The following LRRTM4 variants were observed in gnomAD, a reference collection of about 807,000 sequenced individuals.
LRRTM4 encodes leucine-rich repeat transmembrane neuronal protein 4.
In LRRTM4, 25 loss-of-function variants were observed where a neutral mutation model predicts 47.6. The observed-to-expected ratio is 0.53, with a 90% confidence interval of 0.38 to 0.73. The LOEUF is 0.73. Among genes scored for constraint, LRRTM4 ranks in the 30% least tolerant of loss-of-function variants. The pLI, the probability that LRRTM4 is intolerant of heterozygous loss-of-function variation, is 0.00. For missense variants in LRRTM4, 638 were observed against 713.4 expected (o/e 0.89, Z 1.20); for synonymous variants, 311 against 269.5 (o/e 1.15, Z -1.51).
intron 3 of LRRTM4, among the ~76,000 whole-genome samples, chr2:76,753,331 T>A (rs1415224921): frequency 1.3e-5 from 2 of 152,180 alleles, no homozygotes; most frequent in Non-Finnish European, 2.9e-5. Context: ...AGTCACACTC[T>A]GGTTTTACTC....
At chr2:76,950,400 A>G (rs1415210333) in intron 3 of LRRTM4, among the ~76,000 whole-genome samples, 2 of 151,460 alleles carry the variant, frequency 1.3e-5, no homozygotes, top group African/African-American at 2.4e-5. Context: ...TTAACAAAGC[A>G]TATGTCAGAA....
intron 3 of LRRTM4, among the ~76,000 whole-genome samples, chr2:76,988,249 G>A (rs1031549058): frequency 4.6e-5 from 7 of 151,728 alleles, no homozygotes; most frequent in Non-Finnish European, 8.8e-5. Flanking sequence ...GGCTCAACTC[G>A]ATAATTTCAT....
chr2:77,479,127 C>T (rs931766728), intron 3 of LRRTM4, among the ~76,000 whole-genome samples: 1 of 152,052 alleles, frequency 6.6e-6, no homozygotes, highest in African/African-American at 2.4e-5. Flanking sequence ...AACTCCTGAC[C>T]TCAGGGGATC....
intron 3 of LRRTM4, among the ~76,000 whole-genome samples, chr2:77,466,421 G>A (rs1442746899): frequency 6.6e-6 from 1 of 152,174 alleles, no homozygotes; most frequent in Non-Finnish European, 1.5e-5. Flanking sequence ...TTAATGTTCT[G>A]AGAGAGATGC....
intron 3 of LRRTM4, among the ~76,000 whole-genome samples, chr2:77,063,924 T>C (rs1253612380): frequency 6.6e-6 from 1 of 152,172 alleles, no homozygotes; most frequent in African/African-American, 2.4e-5. Flanking sequence ...CTAGATTTTT[T>C]TTTTGGAAGG....
At position 76,808,089 on chromosome 2, in the gene LRRTM4, A is replaced by T. The variant is rs900378123; in HGVS notation, c.1552-59173T>A. 2.7e-5 allele frequency among the ~76,000 whole-genome samples: 4 copies of T among 150,442 alleles called. No homozygotes were observed. In the East Asian group the frequency reaches 7.9e-4, roughly 30 times the overall value. ...GCTGGAGTGCAAGTGGCACAATCTC[A>T]ACTCACTGCAACCTCCACCTCCTGG... On this transcript the variant is annotated intron_variant, in intron 3 of 3. Coordinates refer to ENST00000409884, the MANE Select transcript of LRRTM4 (RefSeq NM_001134745.3).
intron 3 of LRRTM4, among the ~76,000 whole-genome samples, chr2:76,950,752 C>A (rs997327998): frequency 6.6e-6 from 1 of 151,912 alleles, no homozygotes; most frequent in East Asian, 1.9e-4. Flanking sequence ...CTAATACTTA[C>A]AAAAATAAAA....
chr2:77,012,406 C>G (rs574162577), intron 3 of LRRTM4, among the ~76,000 whole-genome samples: 3 of 151,964 alleles, frequency 2.0e-5, no homozygotes, highest in Admixed American at 6.6e-5. Flanking sequence ...GCCTAACAAG[C>G]GTGTATTTGT....
At chr2:76,909,181 A>G (rs1385462237) in intron 3 of LRRTM4, among the ~76,000 whole-genome samples, 1 of 152,216 alleles carries the variant, frequency 6.6e-6, no homozygotes, top group Non-Finnish European at 1.5e-5. Context: ...GCCCTCAGAA[A>G]TAATGCTGCT....
At chr2:77,141,466 T>G (rs1672119962) in intron 3 of LRRTM4, among the ~76,000 whole-genome samples, 1 of 108,588 alleles carries the variant, frequency 9.2e-6, no homozygotes, top group South Asian at 3.6e-4. Flanking sequence ...CACCGTGGCC[T>G]GTCATGGGGT....
chr2:76,773,191 C>A (rs1673788236), intron 3 of LRRTM4: 1 of 152,344 alleles, frequency 6.6e-6, no homozygotes, highest in South Asian at 2.1e-4. Context: ...CTTCCAGTCT[C>A]TGGGGAATGA....
chr2:76,839,090 C>G (rs1394071701), intron 3 of LRRTM4, among the ~76,000 whole-genome samples: 1 of 152,030 alleles, frequency 6.6e-6, no homozygotes, highest in Admixed American at 6.6e-5. Context: ...GTTTTTGTAG[C>G]ATTTCTCCCA....
intron 3 of LRRTM4, among the ~76,000 whole-genome samples, chr2:76,814,223 A>G (rs923280003): frequency 1.3e-5 from 2 of 152,152 alleles, no homozygotes; most frequent in Non-Finnish European, 2.9e-5. Context: ...GAAAAATAGA[A>G]AAAAGCTTAT....
chr2:76,792,449 T>C (rs1443764076), intron 3 of LRRTM4, among the ~76,000 whole-genome samples: 2 of 152,140 alleles, frequency 1.3e-5, no homozygotes, highest in African/African-American at 2.4e-5. Flanking sequence ...CTGGGAACTA[T>C]GGTAATCCAA....
chr2:77,259,212 A>G (rs941208029), intron 3 of LRRTM4, among the ~76,000 whole-genome samples: 2 of 152,074 alleles, frequency 1.3e-5, no homozygotes, highest in Non-Finnish European at 2.9e-5. Context: ...TTAGATGTGA[A>G]TTCTGACTCT....
chr2:76,889,851 G>T (rs1673194975), intron 3 of LRRTM4, among the ~76,000 whole-genome samples: 1 of 151,784 alleles, frequency 6.6e-6, no homozygotes, highest in Non-Finnish European at 1.5e-5. Flanking sequence ...GGGAGAGAGA[G>T]AGGTGAGATT....
chr2:77,134,678 C>G (rs1267103709), intron 3 of LRRTM4, among the ~76,000 whole-genome samples: 1 of 151,944 alleles, frequency 6.6e-6, no homozygotes, highest in Non-Finnish European at 1.5e-5. Context: ...TCTATTGTTT[C>G]TGTAGACTTG....
chr2:76,786,069 G>T (rs190218714), intron 3 of LRRTM4, among the ~76,000 whole-genome samples: 1 of 152,144 alleles, frequency 6.6e-6, no homozygotes, highest in Admixed American at 6.6e-5. Context: ...TGAGTATCTT[G>T]GCAAACTACA....
intron 3 of LRRTM4, among the ~76,000 whole-genome samples, chr2:77,214,334 T>A (rs987793784): frequency 6.6e-6 from 1 of 152,172 alleles, no homozygotes; most frequent in African/African-American, 2.4e-5. Flanking sequence ...TCTCTACTTT[T>A]ACAAAAGGGA....
Sources: gnomAD v4.1 joint callset for allele counts (sites outside exome capture counted in the v4.1 genomes callset) on GRCh38, gnomAD v4.1.1 for gene constraint, MANE v1.5 for transcripts, NCBI Gene and HGNC (gene_info 2026-07-23, HGNC 2026-07-21) for gene names.